The following PCNX2 variants were observed in gnomAD, a reference collection of about 807,000 sequenced individuals.
PCNX2 encodes pecanex 2, also known as pecanex-like protein 2.
Under a neutral mutation model 223.8 loss-of-function variants are expected in PCNX2, and 168 were observed. That is an observed-to-expected ratio of 0.75 (90% CI 0.66 to 0.85). The LOEUF (loss-of-function observed/expected upper bound fraction) is 0.85. Among genes scored for constraint, PCNX2 ranks in the 40% least tolerant of loss-of-function variants. PCNX2 has a pLI of 0.00. For synonymous variants in PCNX2, 1,006 were observed against 1,052.6 expected, an observed-to-expected ratio of 0.96 and a Z score of 0.86; for missense variants, 2,507 against 2,675.5, an observed-to-expected ratio of 0.94 and a Z score of 1.39.
At chr1:233,075,740 A>AC (rs1558208128) in intron 23 of PCNX2, among the ~76,000 whole-genome samples, 142 of 122,446 alleles carry the variant, frequency 1.2e-3, no homozygotes, top group African/African-American at 5.3e-3. Flanking sequence ...CACACACACA[A>AC]CAGAAAAGAA....
the PCNX2 span, among the ~76,000 whole-genome samples, chr1:233,312,862 A>G: frequency 0.5 from 75,520 of 151,610 alleles, 19,104 homozygotes; most frequent in South Asian, 0.56. Flanking sequence ...CTGGGCCATC[A>G]GTCAATGGAT....
At chr1:233,069,430 G>A (rs1163010330) in intron 23 of PCNX2, among the ~76,000 whole-genome samples, 1 of 152,122 alleles carries the variant, frequency 6.6e-6, no homozygotes, top group South Asian at 2.1e-4. Context: ...TGGCCACAGA[G>A]AGTGTACCAA....
At chr1:233,075,710 C>G (rs947619504) in intron 23 of PCNX2, among the ~76,000 whole-genome samples, 1 of 150,936 alleles carries the variant, frequency 6.6e-6, no homozygotes, top group African/African-American at 2.4e-5. Context: ...CACACACACA[C>G]ACACACACAC....
chr1:233,114,433 T>G (rs74695521), intron 21 of PCNX2, among the ~76,000 whole-genome samples: 2,551 of 152,294 alleles, frequency 0.017, 29 homozygotes, highest in East Asian at 0.043. Flanking sequence ...GGAGACCAGT[T>G]GGTGCTGGGC....
intron 25 of PCNX2, among the ~76,000 whole-genome samples, chr1:233,045,697 C>T (rs1671802156): frequency 6.6e-6 from 1 of 152,178 alleles, no homozygotes; most frequent in Non-Finnish European, 1.5e-5. Context: ...CAGACATTGA[C>T]TAATGAGCTG....
rs1413298618 is a variant in PCNX2, at chr1:233,006,681, G to T, written c.4953-5000C>A. Reference sequence around the variant, plus strand: ...ATAGTTTCTGCAGGACTCACAGGGGGATCTCCAGCACAATGACTGATTTGT... The same window carrying T: ...ATAGTTTCTGCAGGACTCACAGGGGTATCTCCAGCACAATGACTGATTTGT... On this transcript the variant is annotated intron_variant, in intron 28 of 33. Coordinates refer to ENST00000258229, the MANE Select transcript of PCNX2 (RefSeq NM_014801.4). 2.0e-5 allele frequency among the ~76,000 whole-genome samples: 3 copies of T among 152,296 alleles called. 1 individual carries two copies. In the Middle Eastern group the frequency reaches 0.01, roughly 518 times the overall value.
chr1:233,043,983 A>G (rs1429006789), intron 25 of PCNX2, among the ~76,000 whole-genome samples: 1 of 151,778 alleles, frequency 6.6e-6, no homozygotes, highest in Non-Finnish European at 1.5e-5. Flanking sequence ...GAATCCCCAC[A>G]CTGACTTCCA....
intron 21 of PCNX2, among the ~76,000 whole-genome samples, chr1:233,129,403 G>A (rs141338606): frequency 0.017 from 2,519 of 152,296 alleles, 32 homozygotes; most frequent in Middle Eastern, 0.024. Context: ...CCGCCCCGCC[G>A]CGGTGGGCTC....
intron 1 of PCNX2, among the ~76,000 whole-genome samples, chr1:233,292,202 C>CTTTTTTT (rs963996089): frequency 7.2e-4 from 79 of 109,468 alleles, no homozygotes; most frequent in African/African-American, 1.1e-3. Context: ...TTCTTTCTTT[C>CTTTTTTT]TTTTTTTTTT....
chr1:233,199,877 A>T (rs1359170647), intron 14 of PCNX2, among the ~76,000 whole-genome samples: 1 of 151,986 alleles, frequency 6.6e-6, no homozygotes, highest in African/African-American at 2.4e-5. Context: ...TTTTTTAGGG[A>T]ATAGTTTGAA....
chr1:233,000,206 G>C lies in PCNX2; in HGVS notation c.5328+99C>G. On this transcript the variant is annotated intron_variant, in intron 30 of 33. Transcript: ENST00000258229. The surrounding 1 kb of genome is among the most constrained non-coding windows in gnomAD (Gnocchi z 4.6). ...TCTGAACAGAGGATGCTGGCACAGAGACTCCTGTGTCAGTGCCCCCCTGCC... is the reference window on the plus strand; with the variant it reads ...TCTGAACAGAGGATGCTGGCACAGACACTCCTGTGTCAGTGCCCCCCTGCC... 8.7e-7 allele frequency: 1 copy of C among 1,155,448 alleles called. No homozygotes were observed. The highest frequency in any genetic ancestry group is 1.7e-5 in the Admixed American group (1 of 57,296). 71.6% of individuals were successfully genotyped at this position (1,155,448 alleles called of 1,614,324 possible).
At chr1:233,013,079 T>C (rs1242595875) in intron 28 of PCNX2, among the ~76,000 whole-genome samples, 7 of 152,176 alleles carry the variant, frequency 4.6e-5, no homozygotes, top group African/African-American at 1.7e-4. Context: ...ACAAAGAGAA[T>C]GCCCTGAGTC....
chr1:233,126,940 TC>T lies in PCNX2; in HGVS notation c.3837+8072del, dbSNP rs75029466. Reference sequence around the variant, plus strand: ...GGTGGCTTTCACCTGCACTGCACTCTCCCCCGTATCTATCTGATCACTAAAC... The same window carrying T: ...GGTGGCTTTCACCTGCACTGCACTCTCCCCGTATCTATCTGATCACTAAAC... On this transcript the variant is annotated intron_variant, in intron 21 of 33. Transcript: ENST00000258229. The surrounding 1 kb of genome is among the most constrained non-coding windows in gnomAD (Gnocchi z 4.8). 0.017 allele frequency among the ~76,000 whole-genome samples: 2,546 copies of T among 152,140 alleles called. 29 individuals carry two copies. Among genetic ancestry groups the T allele is most frequent in the East Asian group, 0.043 (222 of 5,156 alleles).
At chr1:233,166,226 C>T (rs1302148834) in intron 17 of PCNX2, among the ~76,000 whole-genome samples, 1 of 151,816 alleles carries the variant, frequency 6.6e-6, no homozygotes, top group Non-Finnish European at 1.5e-5. Flanking sequence ...ATAACAAAAA[C>T]ATCTTGATAC....
chr1:232,985,962 G>A (rs1315525050), intron 33 of PCNX2, 130 bp downstream of exon 33: 2 of 997,412 alleles, frequency 2.0e-6, no homozygotes, highest in Non-Finnish European at 3.1e-6. Context: ...TGTCACTCTG[G>A]GAGCCCCATA....
In PCNX2 at chr1:233,214,582, G is replaced by C. The variant is rs960203501; in HGVS notation, c.2691+3317C>G. Among the ~76,000 whole-genome samples the C allele has an allele frequency of 2.6e-4, 39 of 152,194 alleles. 1 individual carries two copies. ...GGGCACACTGCTCTAGTTTTTCACT[G>C]TCTCTTGGATATTCTACTGAATTTT... On this transcript the variant is annotated intron_variant, in intron 12 of 33. Coordinates refer to ENST00000258229, the MANE Select transcript of PCNX2 (RefSeq NM_014801.4).
intron 21 of PCNX2, among the ~76,000 whole-genome samples, chr1:233,130,058 TG>T (rs1676377567): frequency 6.6e-6 from 1 of 151,890 alleles, no homozygotes; most frequent in African/African-American, 2.4e-5. Context: ...CCTGCAGGAA[TG>T]AACAACTCCA....
chr1:233,138,552 G>A (rs1018932165), intron 20 of PCNX2, among the ~76,000 whole-genome samples: 7 of 152,160 alleles, frequency 4.6e-5, no homozygotes, highest in African/African-American at 1.7e-4. Flanking sequence ...GTACCATACT[G>A]GGAATCCCTG....
intron 13 of PCNX2, 119 bp from the exon 14 acceptor site, chr1:233,200,383 C>CTTTTTTTTT (rs1011802481): frequency 4.7e-5 from 10 of 210,946 alleles, no homozygotes; most frequent in African/African-American, 2.2e-4. Context: ...TGGAGGCAAT[C>CTTTTTTTTT]TTTTTTTTTT....
Sources: allele counts gnomAD v4.1 joint callset (sites outside exome capture counted in the v4.1 genomes callset), GRCh38; gene constraint gnomAD v4.1.1; non-coding constraint Gnocchi (gnomAD v3.1); transcripts MANE v1.5; gene names NCBI Gene and HGNC (gene_info 2026-07-23, HGNC 2026-07-21).